Variants in PYROXD2 observed in about 807,000 individuals in gnomAD.
PYROXD2 encodes pyridine nucleotide-disulphide oxidoreductase domain 2, also known as pyridine nucleotide-disulfide oxidoreductase domain-containing protein 2.
PYROXD2 carries 69 observed loss-of-function variants against 71.1 expected under a neutral mutation model. The ratio of observed to expected loss-of-function variants is 0.97; its 90% CI spans 0.80 to 1.19. PYROXD2 has a LOEUF of 1.19. Ranked by LOEUF, PYROXD2 falls within the 50% of genes most tolerant of loss-of-function variation. The pLI, the probability that PYROXD2 is intolerant of heterozygous loss-of-function variation, is 0.00. For missense variants in PYROXD2, 745 were observed against 748.9 expected, an observed-to-expected ratio of 0.99 and a Z score of 0.06; for synonymous variants, 287 against 302.7, an observed-to-expected ratio of 0.95 and a Z score of 0.54.
rs754819997 is a variant in PYROXD2, at chr10:98,395,265, G to A, written c.716C>T (p.Pro239Leu). 4 of 1,614,170 alleles carry A rather than the reference G, an allele frequency of 2.5e-6. No homozygotes were observed. Among genetic ancestry groups the A allele is most frequent in the Non-Finnish European group, 2.5e-6 (3 of 1,180,044 alleles). Residue 239 changes from proline to leucine, a missense_variant, in exon 8 of 16, where the codon CCT becomes CTT. Coordinates refer to ENST00000370575, the MANE Select transcript of PYROXD2 (RefSeq NM_032709.3). ...KVLDQWFESE[P>L]LKATLATDAV... ...ATCTGTGGCTAGAGTGGCTTTTAAA[G>A]GCTCAGACTCGAACCACTGATCCAG...
chr10:98,395,496 G>C, intron 6 of PYROXD2, 44 bp from the exon 7 acceptor site: 1 of 1,569,494 alleles, frequency 6.4e-7, no homozygotes. Context: ...ACAGGTGACA[G>C]GGAAACCCTC....
At chr10:98,390,897 A>G in intron 11 of PYROXD2, 113 bp downstream of exon 11, 1 of 1,348,468 alleles carries the variant, frequency 7.4e-7, no homozygotes, top group Non-Finnish European at 1.1e-6. Context: ...AGGGGGACAC[A>G]GGCTGGAGGT....
chr10:98,404,927 T>G (rs1353721129), intron 4 of PYROXD2, among the ~76,000 whole-genome samples: 2 of 152,024 alleles, frequency 1.3e-5, no homozygotes, highest in Non-Finnish European at 2.9e-5. Context: ...AGCCCTACCT[T>G]AGAGAGATTT....
chr10:98,410,860 T>A, intron 2 of PYROXD2, 79 bp downstream of exon 2: 1 of 1,550,050 alleles, frequency 6.5e-7, no homozygotes, highest in Non-Finnish European at 8.7e-7. Context: ...TCCCACCTGC[T>A]TCTTCACACT....
chr10:98,393,230 TC>T, intron 8 of PYROXD2, 147 bp from the exon 9 acceptor site: 2 of 642,642 alleles, frequency 3.1e-6, no homozygotes, highest in Non-Finnish European at 5.3e-6. Context: ...GAGCTCAAGT[TC>T]TTGTAAGAGC....
At chr10:98,413,304 A>C (rs1364951113) in intron 1 of PYROXD2, among the ~76,000 whole-genome samples, 1 of 152,260 alleles carries the variant, frequency 6.6e-6, no homozygotes. Flanking sequence ...AATGCTAATA[A>C]TGCAGATTAA....
At chr10:98,383,925 G>A (rs1470970962) in intron 15 of PYROXD2, 57 bp from the exon 16 acceptor site, 1 of 1,486,948 alleles carries the variant, frequency 6.7e-7, no homozygotes, top group Non-Finnish European at 9.4e-7. Context: ...CAGGGTGGGG[G>A]TGGGGACAGG....
intron 5 of PYROXD2, 67 bp from the exon 6 acceptor site, chr10:98,397,565 G>A: frequency 6.8e-7 from 1 of 1,460,272 alleles, no homozygotes. Context: ...TCCCCAGATG[G>A]CCTGTCACCC....
At chr10:98,386,007 T>C (rs193286280) in intron 14 of PYROXD2, among the ~76,000 whole-genome samples, 1,715 of 151,992 alleles carry the variant, frequency 0.011, 27 homozygotes, top group African/African-American at 0.039. Flanking sequence ...CCGGTTGTGG[T>C]GGCCCATGCC....
intron 9 of PYROXD2, 41 bp downstream of exon 9, chr10:98,392,901 A>T (rs770713850): frequency 6.2e-7 from 1 of 1,601,796 alleles, no homozygotes; most frequent in South Asian, 1.1e-5. Context: ...CTGTCCTGGG[A>T]TCCTTACTAA....
rs1843210625 is a variant in PYROXD2 at position 98,397,051 on chromosome 10, C to T, written c.625+294G>A. Among the ~76,000 whole-genome samples the T allele has an allele frequency of 3.3e-5, 5 of 152,340 alleles. No homozygotes were observed. In the South Asian group the frequency reaches 1.0e-3, roughly 32 times the overall value. The stretch of plus-strand genomic sequence containing the variant: ...GTGCGATCACACACTCTGGTATTGA[C>T]TCTTTCTCTGTCCACTTTCACCCCA... On this transcript the variant is annotated intron_variant, in intron 6 of 15. Transcript: ENST00000370575.
intron 4 of PYROXD2, among the ~76,000 whole-genome samples, chr10:98,402,529 T>G (rs1303182659): frequency 2.0e-5 from 3 of 152,216 alleles, no homozygotes; most frequent in Non-Finnish European, 4.4e-5. Context: ...ATGATTTGAT[T>G]TACAAATATT....
At chr10:98,385,260 T>C (rs1254238602) in intron 14 of PYROXD2, among the ~76,000 whole-genome samples, 193 bp from the exon 15 acceptor site, 2 of 152,242 alleles carry the variant, frequency 1.3e-5, no homozygotes, top group East Asian at 3.8e-4. Flanking sequence ...AGTGAAGTTT[T>C]CCAGAGGCTT....
At chr10:98,411,173 G>T (rs1843774335) in intron 1 of PYROXD2, 2 of 685,298 alleles carry the variant, frequency 2.9e-6, no homozygotes, top group Non-Finnish European at 4.8e-6. Context: ...CCTGGTTCTT[G>T]CCTTGGCTGG....
At chr10:98,392,060 T>C (rs1842961806) in intron 10 of PYROXD2, among the ~76,000 whole-genome samples, 1 of 152,214 alleles carries the variant, frequency 6.6e-6, no homozygotes, top group Non-Finnish European at 1.5e-5. Flanking sequence ...TCTTTGTTAA[T>C]TGATTAATTA....
intron 1 of PYROXD2, 71 bp downstream of exon 1, chr10:98,414,938 T>A: frequency 1.0e-3 from 1,468 of 1,432,668 alleles, no homozygotes; most frequent in Non-Finnish European, 1.2e-3. Context: ...CCCCTCCCCC[T>A]CCCCACCAAG....
chr10:98,400,761 C>T (rs894430845), intron 4 of PYROXD2, among the ~76,000 whole-genome samples: 2 of 152,184 alleles, frequency 1.3e-5, no homozygotes, highest in East Asian at 1.9e-4. Flanking sequence ...CATCACTTAA[C>T]GATGGGGATA....
chr10:98,409,336 T>C (rs1395253997), intron 2 of PYROXD2, among the ~76,000 whole-genome samples: 5 of 152,226 alleles, frequency 3.3e-5, no homozygotes, highest in Non-Finnish European at 7.3e-5. Flanking sequence ...GCTGCCCAGT[T>C]GCAGGGCTGT....
intron 5 of PYROXD2, among the ~76,000 whole-genome samples, chr10:98,398,174 C>T (rs566199205): frequency 1.0e-3 from 156 of 152,284 alleles, no homozygotes; most frequent in South Asian, 1.9e-3. Context: ...TGAGCCGCCA[C>T]GCTGGCCTGT....
Sources: gnomAD v4.1 joint callset for allele counts (sites outside exome capture counted in the v4.1 genomes callset) on GRCh38, gnomAD v4.1.1 for gene constraint, MANE v1.5 for transcripts, NCBI Gene and HGNC (gene_info 2026-07-23, HGNC 2026-07-21) for gene names.